Variants in KIF6 observed in about 807,000 individuals in gnomAD.
KIF6 encodes kinesin-like protein KIF6.
Under a neutral mutation model 112.7 loss-of-function variants are expected in KIF6, and 106 were observed. That is an observed-to-expected ratio of 0.94 (90% CI 0.80 to 1.11). The LOEUF is 1.11. Among genes scored for constraint, KIF6 ranks in the 50% least tolerant of loss-of-function variants. The probability of loss-of-function intolerance (pLI) is 0.00; values close to 1 mark genes in which losing one functional copy is unlikely to be tolerated. For missense variants in KIF6, 929 were observed against 964.0 expected, an observed-to-expected ratio of 0.96 and a Z score of 0.48; for synonymous variants, 339 against 339.9, an observed-to-expected ratio of 1.00 and a Z score of 0.03.
intron 13 of KIF6, among the ~76,000 whole-genome samples, chr6:39,522,033 C>T (rs1777428813): frequency 1.3e-5 from 2 of 152,086 alleles, no homozygotes; most frequent in South Asian, 2.1e-4. Flanking sequence ...CTCTCTGGAA[C>T]CCTCATTCCA....
chr6:39,375,130 A>G (rs1185220981), intron 16 of KIF6, among the ~76,000 whole-genome samples: 1 of 152,258 alleles, frequency 6.6e-6, no homozygotes, highest in Non-Finnish European at 1.5e-5. Flanking sequence ...CAAATAGTGC[A>G]TGATCTCACT....
intron 6 of KIF6, among the ~76,000 whole-genome samples, chr6:39,607,654 G>A (rs1782966793): frequency 6.6e-6 from 1 of 151,936 alleles, no homozygotes; most frequent in African/African-American, 2.4e-5. Flanking sequence ...TCAAACTCCT[G>A]GGCTCAAGCA....
At chr6:39,693,619 G>A (rs958104951) in intron 3 of KIF6, among the ~76,000 whole-genome samples, 1 of 151,874 alleles carries the variant, frequency 6.6e-6, no homozygotes, top group African/African-American at 2.4e-5. Context: ...GAAACAGGAA[G>A]AAACAGAAAT....
chr6:39,456,949 TAG>T (rs1408936694), intron 13 of KIF6, among the ~76,000 whole-genome samples: 1 of 150,582 alleles, frequency 6.6e-6, no homozygotes, highest in Non-Finnish European at 1.5e-5. Flanking sequence ...CTGTCAACAT[TAG>T]ACAGATCAAT....
intron 3 of KIF6, among the ~76,000 whole-genome samples, chr6:39,643,645 A>G (rs1785019541): frequency 1.3e-5 from 2 of 152,170 alleles, no homozygotes; most frequent in South Asian, 4.1e-4. Flanking sequence ...CTGGACCTCT[A>G]CCTCAGGCCA....
At chr6:39,493,347 C>A (rs149078884) in intron 13 of KIF6, among the ~76,000 whole-genome samples, 1 of 152,200 alleles carries the variant, frequency 6.6e-6, no homozygotes, top group Non-Finnish European at 1.5e-5. Context: ...AAGTGACCTG[C>A]CCAAGGTTGT....
At chr6:39,556,810 A>G (rs1468631032) in intron 10 of KIF6, among the ~76,000 whole-genome samples, 1 of 152,186 alleles carries the variant, frequency 6.6e-6, no homozygotes, top group Non-Finnish European at 1.5e-5. Context: ...ATTTATCTCC[A>G]TGGTTAAAGT....
At chr6:39,440,916 G>A (rs1159709101) in intron 13 of KIF6, among the ~76,000 whole-genome samples, 2 of 152,170 alleles carry the variant, frequency 1.3e-5, no homozygotes, top group African/African-American at 2.4e-5. Context: ...CAGCTTTGAC[G>A]ATGGAGAGCC....
intron 3 of KIF6, chr6:39,691,112 A>G (rs1316229467): frequency 6.6e-6 from 1 of 152,166 alleles, no homozygotes; most frequent in Non-Finnish European, 1.5e-5. Flanking sequence ...TATATTTTTC[A>G]TTTTCTAAAT....
At chr6:39,362,118 AG>A (rs1296481858) in intron 17 of KIF6, among the ~76,000 whole-genome samples, 1 of 152,040 alleles carries the variant, frequency 6.6e-6, no homozygotes, top group Admixed American at 6.6e-5. Context: ...CAGGACTCGG[AG>A]GGAAGTGGAC....
chr6:39,341,585 TTCTC>T (rs1242430434), intron 22 of KIF6, among the ~76,000 whole-genome samples: 1 of 152,102 alleles, frequency 6.6e-6, no homozygotes, highest in African/African-American at 2.4e-5. Context: ...AGCTTAGACT[TTCTC>T]TCTGAGCTCC....
intron 15 of KIF6, among the ~76,000 whole-genome samples, chr6:39,403,540 G>T (rs1264814862): frequency 1.3e-5 from 2 of 152,172 alleles, no homozygotes; most frequent in African/African-American, 4.8e-5. Context: ...CTCTATTGAA[G>T]TCTATCCCCT....
At chr6:39,665,137 G>A (rs1031821322) in intron 3 of KIF6, among the ~76,000 whole-genome samples, 1 of 152,094 alleles carries the variant, frequency 6.6e-6, no homozygotes, top group African/African-American at 2.4e-5. Flanking sequence ...TATAACTGTG[G>A]TCATCTGAAA....
In KIF6 at chr6:39,596,075, C is replaced by G; in HGVS notation, c.825G>C (p.Leu275Phe). The stretch of plus-strand genomic sequence containing the variant: ...TTACCTGTTCTAAGTAATGTAGTGA[C>G]AAGTTGATATACTTGGCCTCTGTTA... ...HLLTEAKYIN[L>F]SLHYLEQVII... Residue 275 changes from leucine to phenylalanine, a missense_variant, in exon 7 of 23, where the codon TTG (leucine) becomes TTC (phenylalanine). Coordinates refer to ENST00000287152, the MANE Select transcript of KIF6 (RefSeq NM_145027.6). The G allele has an allele frequency of 6.2e-7, 1 of 1,613,788 alleles. No individual in the cohort carries two copies. Among genetic ancestry groups the G allele is most frequent in the Non-Finnish European group, 8.5e-7 (1 of 1,179,830 alleles).
intron 21 of KIF6, 131 bp downstream of exon 21, chr6:39,345,569 C>A (rs1372908400): frequency 3.0e-6 from 2 of 660,170 alleles, no homozygotes; most frequent in Non-Finnish European, 5.1e-6. Context: ...GGGACCAGGG[C>A]AGAGGCCAGA....
intron 13 of KIF6, among the ~76,000 whole-genome samples, chr6:39,455,887 C>G (rs1243221153): frequency 5.9e-5 from 7 of 117,742 alleles, no homozygotes; most frequent in Middle Eastern, 3.9e-3. Context: ...ACCAAATCTA[C>G]GTCTGATTGG....
intron 13 of KIF6, among the ~76,000 whole-genome samples, chr6:39,454,160 A>G (rs971618472): frequency 6.6e-6 from 1 of 152,222 alleles, no homozygotes; most frequent in African/African-American, 2.4e-5. Context: ...CTTATGTTGC[A>G]ATAGTGGAAA....
intron 15 of KIF6, among the ~76,000 whole-genome samples, chr6:39,396,357 T>C (rs1768268423): frequency 6.6e-6 from 1 of 152,054 alleles, no homozygotes; most frequent in Non-Finnish European, 1.5e-5. Flanking sequence ...GGGAGTGGCA[T>C]GGGGGTGGAT....
intron 13 of KIF6, among the ~76,000 whole-genome samples, chr6:39,456,384 A>G (rs1419505879): frequency 4.1e-5 from 5 of 121,102 alleles, no homozygotes; most frequent in Admixed American, 1.8e-4. Flanking sequence ...TAAACATGGA[A>G]AGGAACAACC....
Sources: gnomAD v4.1 joint callset for allele counts (sites outside exome capture counted in the v4.1 genomes callset) on GRCh38, gnomAD v4.1.1 for gene constraint, MANE v1.5 for transcripts, NCBI Gene and HGNC (gene_info 2026-07-23, HGNC 2026-07-21) for gene names.